ACTR1B: variants seen among roughly 807,000 people sequenced by gnomAD.
ACTR1B encodes actin related protein 1B.
In ACTR1B, 34 loss-of-function variants were observed where a neutral mutation model predicts 49.4. That is an observed-to-expected ratio of 0.69 (90% confidence interval 0.52 to 0.92). The LOEUF (loss-of-function observed/expected upper bound fraction) is 0.92. Among genes scored for constraint, ACTR1B ranks in the 40% least tolerant of loss-of-function variants. The pLI is 0.00. For missense variants in ACTR1B, 471 were observed against 522.4 expected (o/e 0.90, Z 0.96); for synonymous variants, 207 against 207.8 (o/e 1.00, Z 0.03).
chr2:97,663,599 C>T (rs1207998357), intron 1 of ACTR1B, among the ~76,000 whole-genome samples: 2 of 151,916 alleles, frequency 1.3e-5, no homozygotes, highest in Non-Finnish European at 2.9e-5. Flanking sequence ...CCTGAACTTC[C>T]CCGCCCGACT....
chr2:97,658,906 A>C lies in ACTR1B; in HGVS notation c.413T>G (p.Phe138Cys). 1 of 1,614,094 alleles carries C rather than the reference A, an allele frequency of 6.2e-7. No homozygotes were observed. The highest frequency in any genetic ancestry group is 8.5e-7 in the Non-Finnish European group (1 of 1,179,996). ...ACTGAGCACAGCCTGCATGGAGATG[A>C]ACAGGGCCGGCACGTTGAAGGTCTC... ...FFETFNVPAL[F>C]ISMQAVLSLY... Residue 138 changes from phenylalanine to cysteine, a missense_variant, in exon 5 of 11, where the codon TTC becomes TGC. By Grantham distance (205) the Phe-to-Cys change is radical (BLOSUM62 -2). Coordinates refer to ENST00000289228, the MANE Select transcript of ACTR1B (RefSeq NM_005735.4). This position sits in a 1 kb window ranked among gnomAD's most constrained non-coding sequence, Gnocchi z 5.9.
In ACTR1B at chr2:97,663,999, C is replaced by T. The variant is rs1333243731; in HGVS notation, c.-109G>A. ...CGGCTCCCGACGCGGCGCCGCTGCC[C>T]TCCCTCCCCGAGCCTGCAGCCTACG... On this transcript the variant is annotated 5_prime_UTR_variant, in exon 1 of 11. Coordinates refer to ENST00000289228, the MANE Select transcript of ACTR1B (RefSeq NM_005735.4). The T allele has an allele frequency of 4.8e-6, 3 of 620,578 alleles. No homozygotes were observed. The highest frequency in any genetic ancestry group is 6.8e-6 in the Non-Finnish European group (3 of 439,436). The allele number at this position is 620,578 out of a possible 1,614,324, so 38.4% of individuals were successfully genotyped here. A position where few individuals can be genotyped will look rare whatever the true frequency, so the allele number is the denominator to read the frequency against.
intron 8 of ACTR1B, 131 bp downstream of exon 8, chr2:97,657,812 C>T (rs1488492075): frequency 1.8e-6 from 2 of 1,135,642 alleles, no homozygotes; most frequent in Non-Finnish European, 2.5e-6. Flanking sequence ...AAATTTTGGT[C>T]TGTTAAAAAA....
intron 2 of ACTR1B, 138 bp downstream of exon 2, chr2:97,661,744 G>C (rs1675015270): frequency 1.3e-6 from 1 of 785,304 alleles, no homozygotes; most frequent in Non-Finnish European, 2.1e-6. Context: ...GCTCTCTCAA[G>C]AGTGTCAACC....
intron 1 of ACTR1B, among the ~76,000 whole-genome samples, chr2:97,663,257 ATGAACTCTCCAT>A (rs1675074400): frequency 6.6e-6 from 1 of 152,220 alleles, no homozygotes; most frequent in Non-Finnish European, 1.5e-5. Context: ...AAGAGTGGCC[ATGAACTCTCCAT>A]TGCTCTGCTG....
In ACTR1B at chr2:97,658,501, G is replaced by A. The variant is rs1451820311; in HGVS notation, c.583C>T (p.Arg195Ter). The A allele has an allele frequency of 4.3e-6, 7 of 1,613,998 alleles. No homozygotes were observed. Among genetic ancestry groups the A allele is most frequent in the Non-Finnish European group, 3.4e-6 (4 of 1,180,014 alleles). ...ACCCCTTCCTTGCGCAGCAGGAGTC[G>A]GAGGTAGCGGGAGACGTCGCGGCCG... is the stretch of plus-strand genomic sequence containing the variant. ...IAGRDVSRYLRLLLRKEGVDF... is the reference protein window; with the variant it reads ...IAGRDVSRYL The change falls in exon 6 of 11, where the codon CGA becomes TGA. Residue 195 changes from arginine to a stop codon, truncating the protein, a stop_gained. Transcript: ENST00000289228. LOFTEE classifies it high-confidence loss of function. This position sits in a 1 kb window ranked among gnomAD's most constrained non-coding sequence, Gnocchi z 5.9.
Position 97,659,979 on chromosome 2 carries a change from C to A in ACTR1B, c.190-502G>T. The A allele has an allele frequency of 5.0e-6, 1 of 198,860 alleles. No homozygotes were observed. The highest frequency in any genetic ancestry group is 9.0e-5 in the South Asian group (1 of 11,086). 12.3% of individuals were successfully genotyped at this position (198,860 alleles called of 1,614,324 possible). A position where few individuals can be genotyped will look rare whatever the true frequency, so the allele number is the denominator to read the frequency against. ...CCTTCGATGTCCCCCCAGCCATGCCCCTTCTCACCTAGCACCACTTAGCTC... is the reference window on the plus strand; with the variant it reads ...CCTTCGATGTCCCCCCAGCCATGCCACTTCTCACCTAGCACCACTTAGCTC... On this transcript the variant is annotated intron_variant, in intron 3 of 10. Transcript: ENST00000289228. This position sits in a 1 kb window ranked among gnomAD's most constrained non-coding sequence, Gnocchi z 4.0.
At chr2:97,657,626 C>T in intron 8 of ACTR1B, 117 bp from the exon 9 acceptor site, 1 of 1,116,928 alleles carries the variant, frequency 9.0e-7, no homozygotes, top group East Asian at 2.4e-5. Context: ...CAGCTCTTCC[C>T]AGGATGAAGG....
chr2:97,657,216 TA>T lies in ACTR1B; in HGVS notation c.988-25del, dbSNP rs769171022. 35 of 1,610,490 alleles carry T rather than the reference TA, an allele frequency of 2.2e-5. 1 individual carries two copies. The South Asian group carries it at 3.6e-4, about 17-fold the overall frequency. ...ATCTAGAAGGAGGAAGTGGCCACGT[TA>T]ACTGTGGATCCCCACCCAGAAGCCA... On this transcript the variant is annotated intron_variant, in intron 9 of 10. Transcript: ENST00000289228.
rs753419564 is a variant in ACTR1B, at chr2:97,658,388, C to CACCCCAGG, written c.657+31_657+38dup. 1.3e-5 allele frequency: 21 copies of CACCCCAGG among 1,613,408 alleles called. No homozygotes were observed. The highest frequency in any genetic ancestry group is 1.8e-5 in the Non-Finnish European group (21 of 1,179,594). On this transcript the variant is annotated intron_variant, in intron 6 of 10. Coordinates refer to ENST00000289228, the MANE Select transcript of ACTR1B (RefSeq NM_005735.4). The surrounding 1 kb of genome is among the most constrained non-coding windows in gnomAD (Gnocchi z 5.9). The stretch of plus-strand genomic sequence containing the variant: ...CTGTGCCTTGGTGCCACCCTTTCCT[C>CACCCCAGG]ACCCCAGGTCGTGTCCACACCCTCT...
In ACTR1B at chr2:97,662,671, A is replaced by G. The variant is rs1350760194; in HGVS notation, c.49-725T>C. ...ATAAGCTTCTCAACTCAGTCCCACC[A>G]CTCTTCATCGCAACCCTCTGAGTCT... On this transcript the variant is annotated intron_variant, in intron 1 of 10. Transcript: ENST00000289228. Among the ~76,000 whole-genome samples the G allele has an allele frequency of 4.6e-5, 7 of 151,736 alleles. No homozygotes were observed. The East Asian group carries it at 1.4e-3, about 29-fold the overall frequency.
Position 97,656,580 on chromosome 2 carries a change from T to A in ACTR1B, c.*278A>T, listed in dbSNP as rs755172803. Reference sequence around the variant, plus strand: ...GAGTCGGAGCAGGGAACCACAGGCCTAGCTGGCCCTGCCAGGGGGATACCC... The same window carrying A: ...GAGTCGGAGCAGGGAACCACAGGCCAAGCTGGCCCTGCCAGGGGGATACCC... On this transcript the variant is annotated 3_prime_UTR_variant, in exon 11 of 11. Transcript: ENST00000289228. The A allele has an allele frequency of 2.4e-6, 1 of 408,572 alleles. No homozygotes were observed. The highest frequency in any genetic ancestry group is 4.5e-6 in the Non-Finnish European group (1 of 221,968). The allele number at this position is 408,572 out of a possible 1,614,324, so 25.3% of individuals were successfully genotyped here.
rs780715402 is a variant in ACTR1B, at chr2:97,658,459, C to T, written c.625G>A (p.Ala209Thr). The T allele has an allele frequency of 6.2e-7, 1 of 1,614,152 alleles. No homozygotes were observed. The highest frequency in any genetic ancestry group is 1.3e-5 in the African/African-American group (1 of 75,032). ...RKEGVDFHTS[A>T]EFEVVRTIKE... ...ATTGTCCGGACAACCTCAAACTCAG[C>T]CGAGGTATGGAAGTCAACCCCTTCC... is the stretch of plus-strand genomic sequence containing the variant. Residue 209 changes from alanine (A) to threonine (T), a missense_variant, in exon 6 of 11, where the codon GCT (alanine) becomes ACT (threonine). Transcript: ENST00000289228. This position sits in a 1 kb window ranked among gnomAD's most constrained non-coding sequence, Gnocchi z 5.9.
Position 97,658,830 on chromosome 2 carries a change from G to A in ACTR1B, c.440+49C>T, listed in dbSNP as rs765893008. 3.1e-6 allele frequency: 5 copies of A among 1,612,454 alleles called. No homozygotes were observed. The highest frequency in any genetic ancestry group is 4.2e-6 in the Non-Finnish European group (5 of 1,179,058). ...AGACCCTGGTCATGGCAAGCAGGACGGCACAGGGAGGACAGGACTCAGGGA... is the reference window on the plus strand; with the variant it reads ...AGACCCTGGTCATGGCAAGCAGGACAGCACAGGGAGGACAGGACTCAGGGA... On this transcript the variant is annotated intron_variant, in intron 5 of 10. Coordinates refer to ENST00000289228, the MANE Select transcript of ACTR1B (RefSeq NM_005735.4). This position sits in a 1 kb window ranked among gnomAD's most constrained non-coding sequence, Gnocchi z 5.9.
At chr2:97,661,784 AG>A in intron 2 of ACTR1B, 97 bp downstream of exon 2, 1 of 1,258,130 alleles carries the variant, frequency 7.9e-7, no homozygotes, top group East Asian at 2.5e-5. Flanking sequence ...CATACAGGTC[AG>A]GGCACAAATT....
chr2:97,658,696 C>T lies in ACTR1B; in HGVS notation c.441-53G>A, dbSNP rs1395780340. The T allele has an allele frequency of 1.3e-5, 21 of 1,603,124 alleles. No homozygotes were observed. The highest frequency in any genetic ancestry group is 6.7e-5 in the African/African-American group (5 of 74,688). ...TCAGCCACTGAGGCACGGGGACCTCCTCACCCAGGGGAGGAACCCTGGCAC... is the reference window on the plus strand; with the variant it reads ...TCAGCCACTGAGGCACGGGGACCTCTTCACCCAGGGGAGGAACCCTGGCAC... On this transcript the variant is annotated intron_variant, in intron 5 of 10. Coordinates refer to ENST00000289228, the MANE Select transcript of ACTR1B (RefSeq NM_005735.4). This position sits in a 1 kb window ranked among gnomAD's most constrained non-coding sequence, Gnocchi z 5.9.
intron 10 of ACTR1B, 77 bp downstream of exon 10, chr2:97,657,075 G>A (rs1265272149): frequency 6.3e-7 from 1 of 1,591,832 alleles, no homozygotes; most frequent in Admixed American, 1.7e-5. Context: ...ACCTCCACGT[G>A]GCCTAGGCCA....
At position 97,659,055 on chromosome 2, in the gene ACTR1B, C is replaced by T. The variant is rs1559289375; in HGVS notation, c.316-52G>A. The T allele has an allele frequency of 6.2e-7, 1 of 1,610,804 alleles. No individual in the cohort carries two copies. Among genetic ancestry groups the T allele is most frequent in the East Asian group, 2.2e-5 (1 of 44,806 alleles). On this transcript the variant is annotated intron_variant, in intron 4 of 10. Coordinates refer to ENST00000289228, the MANE Select transcript of ACTR1B (RefSeq NM_005735.4). This position sits in a 1 kb window ranked among gnomAD's most constrained non-coding sequence, Gnocchi z 4.0. ...ATCAGAGGAGGCAACTTGCAAGGCC[C>T]TAAAAGGCTCTTTCCAGAGAACCAC...
chr2:97,658,751 A>G lies in ACTR1B; in HGVS notation c.441-108T>C, dbSNP rs1674928664. The G allele has an allele frequency of 6.3e-7, 1 of 1,577,470 alleles. No homozygotes were observed. The highest frequency in any genetic ancestry group is 2.2e-5 in the East Asian group (1 of 44,520). On this transcript the variant is annotated intron_variant, in intron 5 of 10. Coordinates refer to ENST00000289228, the MANE Select transcript of ACTR1B (RefSeq NM_005735.4). This position sits in a 1 kb window ranked among gnomAD's most constrained non-coding sequence, Gnocchi z 5.9. ...GCATTATCTAGTCTGAAGAGAGGAC[A>G]CGAGGGACTCCCTAGAGGAACAGTC...
Sources: allele counts gnomAD v4.1 joint callset (sites outside exome capture counted in the v4.1 genomes callset), GRCh38; gene constraint gnomAD v4.1.1; non-coding constraint Gnocchi (gnomAD v3.1); transcripts MANE v1.5; gene names NCBI Gene and HGNC (gene_info 2026-07-23, HGNC 2026-07-21).